The following CLTRN variants were observed in gnomAD, a reference collection of about 807,000 sequenced individuals.
CLTRN encodes collectrin.
Under a neutral mutation model 14.5 loss-of-function variants are expected in CLTRN, and 12 were observed. The observed-to-expected ratio is 0.83, with a 90% CI of 0.53 to 1.34. The LOEUF is 1.34. Among genes scored for constraint, CLTRN ranks in the 40% most tolerant of loss-of-function variants. The probability of loss-of-function intolerance (pLI) is 0.00; values close to 1 mark genes in which losing one functional copy is unlikely to be tolerated. For missense variants in CLTRN, 154 were observed against 165.1 expected, an observed-to-expected ratio of 0.93 and a Z score of 0.37; for synonymous variants, 58 against 56.5, an observed-to-expected ratio of 1.03 and a Z score of -0.12.
chrX:15,636,084 TG>T (rs750888880), intron 5 of CLTRN, among the ~76,000 whole-genome samples: 1 of 112,051 alleles, frequency 8.9e-6, no homozygotes, highest in Non-Finnish European at 1.9e-5. Flanking sequence ...AAGGGAACCC[TG>T]GTACACTACT....
At chrX:15,646,240 C>A in intron 3 of CLTRN, 3 of 234,201 alleles carry the variant, frequency 1.3e-5, no homozygotes, top group Non-Finnish European at 2.4e-5. Context: ...CACTTGGTGG[C>A]CAGACCGTAC....
chrX:15,629,134 G>T (rs1928633118), intron 5 of CLTRN, among the ~76,000 whole-genome samples: 1 of 111,701 alleles, frequency 9.0e-6, no homozygotes, highest in African/African-American at 3.3e-5. Flanking sequence ...CATGATGTTA[G>T]GCATGAGGCT....
Position 15,664,399 on chromosome X carries a change from C to T in CLTRN, c.59-4G>A, listed in dbSNP as rs1348798481. 5.1e-6 allele frequency: 6 copies of T among 1,175,065 alleles called. No individual in the cohort carries two copies. The East Asian group carries it at 1.8e-4, about 36-fold the overall frequency. ...ACTTTAAAAGCATTTTCTGCACCTG[C>T]CAGAAAAGAAAAAAGAAAGAGCAGT... On this transcript the variant is annotated splice_polypyrimidine_tract_variant and splice_region_variant and intron_variant, in intron 1 of 5. Transcript: ENST00000380342.
At chrX:15,659,824 C>A (rs1359266032) in intron 2 of CLTRN, among the ~76,000 whole-genome samples, 1 of 111,875 alleles carries the variant, frequency 8.9e-6, no homozygotes, top group Non-Finnish European at 1.9e-5. Context: ...AAGGAACCAA[C>A]CCTATGACAT....
At chrX:15,643,128 G>T in intron 4 of CLTRN, among the ~76,000 whole-genome samples, 1 of 111,488 alleles carries the variant, frequency 9.0e-6, no homozygotes, top group Admixed American at 9.5e-5. Context: ...AACTGTTGGT[G>T]TCATTATTAA....
chrX:15,641,843 G>T (rs1438393518), intron 4 of CLTRN, among the ~76,000 whole-genome samples: 1 of 111,214 alleles, frequency 9.0e-6, no homozygotes, highest in Non-Finnish European at 1.9e-5. Context: ...GTACCGGACA[G>T]TCCAAGTCTA....
At chrX:15,651,130 G>T (rs773474488) in intron 3 of CLTRN, among the ~76,000 whole-genome samples, 1 of 111,310 alleles carries the variant, frequency 9.0e-6, no homozygotes, top group East Asian at 2.8e-4. Flanking sequence ...GGGGGATGGG[G>T]GGACATGGTT....
At chrX:15,641,932 A>G (rs777456072) in intron 4 of CLTRN, among the ~76,000 whole-genome samples, 1 of 111,315 alleles carries the variant, frequency 9.0e-6, no homozygotes, top group East Asian at 2.8e-4. Flanking sequence ...TAAATAAATA[A>G]CTATGCTGTG....
chrX:15,657,580 A>G (rs1929402957), intron 3 of CLTRN, among the ~76,000 whole-genome samples: 1 of 112,058 alleles, frequency 8.9e-6, no homozygotes, highest in African/African-American at 3.2e-5. Context: ...AAGAAAATAC[A>G]AAGAGAATAT....
At chrX:15,646,474 GA>G in intron 3 of CLTRN, 3 of 84,413 alleles carry the variant, frequency 3.6e-5, no homozygotes. Context: ...CCCCCCGCCC[GA>G]CCCCCGCGCC....
chrX:15,646,296 G>C, intron 3 of CLTRN: 1 of 250,397 alleles, frequency 4.0e-6, no homozygotes, highest in Non-Finnish European at 7.7e-6. Flanking sequence ...TGATACCAAA[G>C]GTCGCTGGTC....
intron 4 of CLTRN, among the ~76,000 whole-genome samples, chrX:15,640,620 G>A (rs1477437989): frequency 1.8e-5 from 2 of 112,601 alleles, no homozygotes; most frequent in Admixed American, 9.4e-5. Flanking sequence ...GCCCCCAAAA[G>A]TAAAATTACA....
chrX:15,649,696 C>A (rs1407718427), intron 3 of CLTRN, among the ~76,000 whole-genome samples: 1 of 110,443 alleles, frequency 9.1e-6, no homozygotes, highest in Admixed American at 9.7e-5. Context: ...CCACAGCACT[C>A]TACAGTCATA....
At chrX:15,660,091 T>C (rs749435216) in intron 2 of CLTRN, among the ~76,000 whole-genome samples, 1 of 109,811 alleles carries the variant, frequency 9.1e-6, no homozygotes, top group Non-Finnish European at 1.9e-5. Context: ...GGGTGGGGGG[T>C]TGGTATATCA....
At chrX:15,652,793 A>G (rs1929252660) in intron 3 of CLTRN, among the ~76,000 whole-genome samples, 2 of 112,122 alleles carry the variant, frequency 1.8e-5, no homozygotes, top group South Asian at 7.3e-4. Context: ...AATGAAAATA[A>G]AAAATATTGC....
intron 3 of CLTRN, among the ~76,000 whole-genome samples, chrX:15,656,885 T>C (rs931011676): frequency 9.0e-6 from 1 of 111,365 alleles, no homozygotes. Flanking sequence ...GCAGTTTTGA[T>C]TTTTACAACT....
chrX:15,669,240 T>C (rs1478047237), upstream of CLTRN, among the ~76,000 whole-genome samples: 3 of 112,221 alleles, frequency 2.7e-5, no homozygotes, highest in Non-Finnish European at 5.6e-5. Flanking sequence ...TTAGTGCTTG[T>C]CTTGATGTAC....
At chrX:15,674,919 G>A (rs1929796923) in intron 1 of CLTRN, 2 of 113,827 alleles carry the variant, frequency 1.8e-5, no homozygotes, top group Non-Finnish European at 3.7e-5. Flanking sequence ...TGTAGCGTGT[G>A]GCCTGAGAGG....
chrX:15,635,482 C>T (rs1055207343), intron 5 of CLTRN, among the ~76,000 whole-genome samples: 1 of 112,033 alleles, frequency 8.9e-6, no homozygotes, highest in African/African-American at 3.2e-5. Flanking sequence ...AATCCATGCA[C>T]TTATGGTCAA....
Sources: gnomAD v4.1 joint callset for allele counts (sites outside exome capture counted in the v4.1 genomes callset) on GRCh38, gnomAD v4.1.1 for gene constraint, MANE v1.5 for transcripts, NCBI Gene and HGNC (gene_info 2026-07-23, HGNC 2026-07-21) for gene names.